RGS22: variants seen among roughly 807,000 people sequenced by gnomAD.
The protein encoded by RGS22 is regulator of G-protein signaling 22.
Under a neutral mutation model 172.9 loss-of-function variants are expected in RGS22, and 148 were observed. That is an observed-to-expected ratio of 0.86 (90% confidence interval 0.75 to 0.98). The LOEUF is 0.98. RGS22 is among the 50% of genes least tolerant of loss of function. The pLI, the probability that RGS22 is intolerant of heterozygous loss-of-function variation, is 0.00. For synonymous variants in RGS22, 458 were observed against 480.2 expected (o/e 0.95, Z 0.60); for missense variants, 1,347 against 1,440.8 (o/e 0.93, Z 1.05).
chr8:99,994,250 G>C (rs1303216923), intron 20 of RGS22, among the ~76,000 whole-genome samples: 1 of 152,152 alleles, frequency 6.6e-6, no homozygotes, highest in Non-Finnish European at 1.5e-5. Context: ...ATGTAGTGTT[G>C]GAAGTTCTGA....
intron 18 of RGS22, among the ~76,000 whole-genome samples, chr8:100,001,221 C>CATATATATATATATATATACAT (rs1397528231): frequency 6.6e-4 from 56 of 84,622 alleles, no homozygotes; most frequent in Non-Finnish European, 8.0e-4. Flanking sequence ...TATATATATA[C>CATATATATATATATATATACAT]ATATATATAT....
At chr8:100,014,603 C>T (rs1187925404) in intron 14 of RGS22, among the ~76,000 whole-genome samples, 3 of 152,142 alleles carry the variant, frequency 2.0e-5, no homozygotes, top group Admixed American at 1.3e-4. Context: ...CCTCTGACTT[C>T]GCCAACCCTT....
intron 10 of RGS22, among the ~76,000 whole-genome samples, chr8:100,049,090 T>C (rs1326040598): frequency 3.9e-5 from 6 of 152,080 alleles, no homozygotes; most frequent in Admixed American, 3.9e-4. Context: ...AGGTGAAAGC[T>C]AGAAGTACCC....
At chr8:99,997,061 T>C (rs140379360) in intron 19 of RGS22, among the ~76,000 whole-genome samples, 94 of 152,272 alleles carry the variant, frequency 6.2e-4, no homozygotes, top group Middle Eastern at 3.4e-3. Flanking sequence ...CTAGAATCAC[T>C]GGGGCTAAGT....
intron 23 of RGS22, among the ~76,000 whole-genome samples, chr8:99,973,346 G>A (rs1354989059): frequency 2.6e-5 from 4 of 152,146 alleles, no homozygotes; most frequent in Non-Finnish European, 4.4e-5. Context: ...AAAAAACAAT[G>A]AGTTCATGTC....
intron 7 of RGS22, 59 bp downstream of exon 7, chr8:100,066,108 A>G: frequency 6.5e-7 from 1 of 1,549,188 alleles, no homozygotes. Flanking sequence ...TAAAATTAGA[A>G]CAAACAAACA....
At position 99,963,058 on chromosome 8, in the gene RGS22, C is replaced by T. The variant is rs79442768; in HGVS notation, c.3616-80G>A. On this transcript the variant is annotated intron_variant, in intron 24 of 27. Coordinates refer to ENST00000360863, the MANE Select transcript of RGS22 (RefSeq NM_015668.5). Reference sequence around the variant, plus strand: ...CTGAAGATAAGATGTCTTCTATCAGCCTCTTCATTTAAATTTTTATTAAAG... The same window carrying T: ...CTGAAGATAAGATGTCTTCTATCAGTCTCTTCATTTAAATTTTTATTAAAG... 418 of 1,109,426 alleles carry T rather than the reference C, an allele frequency of 3.8e-4. 1 individual carries two copies. The African/African-American group carries it at 6.2e-3, about 16-fold the overall frequency. The allele number at this position is 1,109,426 out of a possible 1,614,324, so 68.7% of individuals were successfully genotyped here. A position where few individuals can be genotyped will look rare whatever the true frequency, so the allele number is the denominator to read the frequency against.
chr8:100,059,978 A>T (rs1042428173), intron 9 of RGS22, among the ~76,000 whole-genome samples: 4 of 152,114 alleles, frequency 2.6e-5, no homozygotes, highest in Non-Finnish European at 4.4e-5. Context: ...CTCCTGCCTC[A>T]GTCTCCCAAA....
In RGS22 at chr8:100,063,200, A is replaced by G. The variant is rs535021162; in HGVS notation, c.1352+216T>C. ...GGGCAGAAACATTACGCAAACCCAA[A>G]TAACTGTTATCATTAGTATCTGAAA... On this transcript the variant is annotated intron_variant, in intron 8 of 27. Coordinates refer to ENST00000360863, the MANE Select transcript of RGS22 (RefSeq NM_015668.5). Among the ~76,000 whole-genome samples the G allele has an allele frequency of 1.1e-4, 16 of 152,272 alleles. 1 individual carries two copies. In the South Asian group the frequency reaches 2.1e-3, roughly 20 times the overall value.
intron 14 of RGS22, among the ~76,000 whole-genome samples, chr8:100,036,408 G>T (rs1819480035): frequency 6.6e-6 from 1 of 152,126 alleles, no homozygotes; most frequent in South Asian, 2.1e-4. Context: ...CTTTAGTCAT[G>T]CTAATCACTG....
At position 100,059,955 on chromosome 8, in the gene RGS22, G is replaced by A. The variant is rs146609757; in HGVS notation, c.1514+2636C>T. Among the ~76,000 whole-genome samples, 821 of 152,018 alleles carry A rather than the reference G, an allele frequency of 5.4e-3. 6 individuals carry two copies. The highest frequency in any genetic ancestry group is 0.018 in the African/African-American group (751 of 41,462). ...TGCCCAGGCTGGTCTCAAATTCCTCGCCTCAAGCGATCCTCCTGCCTCAGT... is the reference window on the plus strand; with the variant it reads ...TGCCCAGGCTGGTCTCAAATTCCTCACCTCAAGCGATCCTCCTGCCTCAGT... On this transcript the variant is annotated intron_variant, in intron 9 of 27. Coordinates refer to ENST00000360863, the MANE Select transcript of RGS22 (RefSeq NM_015668.5).
chr8:100,008,087 G>C (rs1271892074), intron 15 of RGS22, among the ~76,000 whole-genome samples: 3 of 150,406 alleles, frequency 2.0e-5, no homozygotes, highest in East Asian at 2.0e-4. Context: ...ATCCAGGCTG[G>C]AGTGCAATGG....
At chr8:100,027,286 G>A (rs1240967104) in intron 14 of RGS22, among the ~76,000 whole-genome samples, 4 of 152,058 alleles carry the variant, frequency 2.6e-5, no homozygotes, top group Non-Finnish European at 5.9e-5. Context: ...CGACTGAAGT[G>A]CTTTGTAATT....
chr8:100,066,123 C>T lies in RGS22; in HGVS notation c.724+44G>A, dbSNP rs77367601. 5.0e-4 allele frequency: 787 copies of T among 1,583,272 alleles called. 5 individuals are homozygous for T. The African/African-American group carries it at 9.0e-3, about 18-fold the overall frequency. The stretch of plus-strand genomic sequence containing the variant: ...TAAAATTAGAACAAACAAACAAAAA[C>T]TTAAAGAGAAGTTCTGAAGTCATTC... On this transcript the variant is annotated intron_variant, in intron 7 of 27. Transcript: ENST00000360863.
At position 99,961,200 on chromosome 8, in the gene RGS22, C is replaced by A. The variant is rs974509459; in HGVS notation, c.*46-4G>T. 5 of 451,430 alleles carry A rather than the reference C, an allele frequency of 1.1e-5. No homozygotes were observed. Among genetic ancestry groups the A allele is most frequent in the African/African-American group, 1.0e-4 (5 of 49,798 alleles). 28.0% of individuals were successfully genotyped at this position (451,430 alleles called of 1,614,324 possible). On this transcript the variant is annotated splice_region_variant and splice_polypyrimidine_tract_variant and intron_variant, in intron 27 of 27. Coordinates refer to ENST00000360863, the MANE Select transcript of RGS22 (RefSeq NM_015668.5). ...CAGAATCTGGTTTAAAGAATTCCTG[C>A]AAAGGAAACATAAATGGATGAAAAT...
intron 14 of RGS22, among the ~76,000 whole-genome samples, chr8:100,014,329 C>A (rs1420550946): frequency 6.6e-6 from 1 of 151,798 alleles, no homozygotes; most frequent in Non-Finnish European, 1.5e-5. Flanking sequence ...AAATCTAGTG[C>A]CTCTCTCATT....
At chr8:99,994,846 C>G (rs549388445) in intron 20 of RGS22, among the ~76,000 whole-genome samples, 1 of 152,158 alleles carries the variant, frequency 6.6e-6, no homozygotes, top group Admixed American at 6.5e-5. Context: ...GGAGGCATCA[C>G]GCTACCTGAC....
chr8:100,044,452 G>A (rs1820497557), intron 11 of RGS22, among the ~76,000 whole-genome samples: 1 of 152,076 alleles, frequency 6.6e-6, no homozygotes. Context: ...TCACCATGTT[G>A]GCCAGGCTGG....
intron 6 of RGS22, among the ~76,000 whole-genome samples, chr8:100,068,413 A>C (rs1393575312): frequency 6.6e-6 from 1 of 152,156 alleles, no homozygotes; most frequent in South Asian, 2.1e-4. Context: ...ATATATATAC[A>C]GTGTTAAAGT....
Sources: gnomAD v4.1 joint callset for allele counts (sites outside exome capture counted in the v4.1 genomes callset) on GRCh38, gnomAD v4.1.1 for gene constraint, MANE v1.5 for transcripts, NCBI Gene and HGNC (gene_info 2026-07-23, HGNC 2026-07-21) for gene names.